ADAMTSL2: variants seen among roughly 807,000 people sequenced by gnomAD.
ADAMTSL2 encodes ADAMTS-like protein 2.
In ADAMTSL2, 55 loss-of-function variants were observed where a neutral mutation model predicts 117.0. The observed-to-expected ratio is 0.47, with a 90% confidence interval of 0.38 to 0.59. The LOEUF (loss-of-function observed/expected upper bound fraction) is 0.59, where lower values mean the gene tolerates loss of function less well. ADAMTSL2 is among the 20% of genes least tolerant of loss of function. The probability of loss-of-function intolerance (pLI) is 0.00; values close to 1 mark genes in which losing one functional copy is unlikely to be tolerated. For missense variants in ADAMTSL2, 1,182 were observed against 1,354.5 expected (o/e 0.87, Z 2.00); for synonymous variants, 572 against 566.4 (o/e 1.01, Z -0.14).
intron 1 of ADAMTSL2, 138 bp downstream of exon 1, chr9:133,535,055 T>A: frequency 7.9e-7 from 1 of 1,272,442 alleles, no homozygotes; most frequent in Non-Finnish European, 9.9e-7. Flanking sequence ...TGGGGAGGGG[T>A]CGGGCCGCAG....
intron 7 of ADAMTSL2, among the ~76,000 whole-genome samples, chr9:133,542,970 C>A (rs569315483): frequency 6.6e-6 from 1 of 150,458 alleles, no homozygotes; most frequent in South Asian, 2.1e-4. Context: ...TTTTTTGAGA[C>A]GGAGTTTTGT....
chr9:133,563,866 A>G (rs1217298991), intron 12 of ADAMTSL2, among the ~76,000 whole-genome samples: 18 of 46,846 alleles, frequency 3.8e-4, no homozygotes, highest in East Asian at 2.3e-3. Context: ...AGAGAGAGGG[A>G]GAGAGAGAGA....
upstream of ADAMTSL2, among the ~76,000 whole-genome samples, chr9:133,533,169 G>C (rs1343322849): frequency 1.3e-5 from 1 of 75,596 alleles, no homozygotes; most frequent in Non-Finnish European, 2.8e-5. Context: ...GTGCCTGTGT[G>C]TGTGTGTGTG....
Position 133,540,594 on chromosome 9 carries a change from C to A in ADAMTSL2, c.413-4C>A. On this transcript the variant is annotated splice_region_variant and splice_polypyrimidine_tract_variant and intron_variant, in intron 5 of 18. Coordinates refer to ENST00000651351, the MANE Select transcript of ADAMTSL2 (RefSeq NM_014694.4). ...AACCTTCTGTCTTTGTCTCCCTCCA[C>A]CAGATGACTATGTCCACATCTCCAG... is the stretch of plus-strand genomic sequence containing the variant. 1 of 1,613,402 alleles carries A rather than the reference C, an allele frequency of 6.2e-7. No homozygotes were observed. Among genetic ancestry groups the A allele is most frequent in the Non-Finnish European group, 8.5e-7 (1 of 1,180,008 alleles).
At chr9:133,535,681 G>C (rs779703519) in intron 1 of ADAMTSL2, among the ~76,000 whole-genome samples, 2 of 152,204 alleles carry the variant, frequency 1.3e-5, no homozygotes, top group Admixed American at 6.5e-5. Context: ...GTGGCTTTGA[G>C]CAGGTTGGCT....
intron 4 of ADAMTSL2, 108 bp from the exon 5 acceptor site, chr9:133,539,663 C>CGGCTGTCCT (rs1830155439): frequency 1.8e-5 from 20 of 1,112,734 alleles, no homozygotes; most frequent in Middle Eastern, 2.1e-4. Flanking sequence ...ACGGCTGTCC[C>CGGCTGTCCT]GGCTGTCCCG....
chr9:133,533,162 C>CGTGT (rs1829975774), upstream of ADAMTSL2, among the ~76,000 whole-genome samples: 6 of 98,300 alleles, frequency 6.1e-5, no homozygotes, highest in Admixed American at 2.9e-4. Flanking sequence ...TGTGTGTGTG[C>CGTGT]CTGTGTGTGT....
Position 133,534,771 on chromosome 9 carries a change from G to T in ADAMTSL2, c.-297G>T. The T allele has an allele frequency of 6.8e-7, 1 of 1,466,008 alleles. No individual in the cohort carries two copies. The highest frequency in any genetic ancestry group is 9.1e-7 in the Non-Finnish European group (1 of 1,102,832). 90.8% of individuals were successfully genotyped at this position (1,466,008 alleles called of 1,614,324 possible). On this transcript the variant is annotated 5_prime_UTR_variant, in exon 1 of 19. Coordinates refer to ENST00000651351, the MANE Select transcript of ADAMTSL2 (RefSeq NM_014694.4). ...CTTTGAAGTGGGAGAGGGAGGCGGC[G>T]CGGGGGAGGAGGGGAAGGGGAGAGG... is the stretch of plus-strand genomic sequence containing the variant.
chr9:133,567,906 C>T (rs1377700107), intron 13 of ADAMTSL2, among the ~76,000 whole-genome samples: 2 of 152,230 alleles, frequency 1.3e-5, no homozygotes, highest in Non-Finnish European at 2.9e-5. Flanking sequence ...GCACGCTGGC[C>T]ATGCCCCCTT....
intron 9 of ADAMTSL2, among the ~76,000 whole-genome samples, chr9:133,549,684 C>T (rs1321466980): frequency 1.3e-5 from 2 of 152,086 alleles, no homozygotes; most frequent in Non-Finnish European, 2.9e-5. Flanking sequence ...CTGCCTTGGC[C>T]TGTCTGCTCT....
intron 17 of ADAMTSL2, among the ~76,000 whole-genome samples, chr9:133,572,812 C>T (rs1430503736): frequency 1.3e-5 from 2 of 152,172 alleles, no homozygotes; most frequent in Non-Finnish European, 1.5e-5. Flanking sequence ...AGCGGCGGCT[C>T]AGTCAGTGTT....
rs193056157 is a variant in ADAMTSL2, at chr9:133,534,891, G to T, written c.-177G>T. 1 of 1,442,900 alleles carries T rather than the reference G, an allele frequency of 6.9e-7. No homozygotes were observed. The highest frequency in any genetic ancestry group is 1.4e-5 in the South Asian group (1 of 71,082). 89.4% of individuals were successfully genotyped at this position (1,442,900 alleles called of 1,614,324 possible). A position where few individuals can be genotyped will look rare whatever the true frequency, so the allele number is the denominator to read the frequency against. ...CCGCAGCGCTCGCCCCTTTCTCTGG[G>T]AGGACAACCTGCTGACCCGAAGCCA... On this transcript the variant is annotated 5_prime_UTR_variant, in exon 1 of 19. The change creates a premature stop within an existing upstream ORF in the 5' untranslated region. Transcript: ENST00000651351.
intron 4 of ADAMTSL2, 113 bp from the exon 5 acceptor site, chr9:133,539,658 T>TGTCCCGGCC: frequency 1.0e-6 from 1 of 994,022 alleles, no homozygotes. Context: ...CCCGCACGGC[T>TGTCCCGGCC]GTCCCGGCTG....
chr9:133,575,167 G>A lies in ADAMTSL2; in HGVS notation c.*303G>A, dbSNP rs1831200925. 2 of 435,454 alleles carry A rather than the reference G, an allele frequency of 4.6e-6. No homozygotes were observed. The highest frequency in any genetic ancestry group is 4.6e-5 in the South Asian group (2 of 43,274). The allele number at this position is 435,454 out of a possible 1,614,324, so 27.0% of individuals were successfully genotyped here. ...CTCCCCAGCCCCCCAGCAGCCCCCA[G>A]CCGAGGGGCCCAGGGCCCACAGCCA... On this transcript the variant is annotated 3_prime_UTR_variant, in exon 19 of 19. Coordinates refer to ENST00000651351, the MANE Select transcript of ADAMTSL2 (RefSeq NM_014694.4).
At position 133,568,329 on chromosome 9, in the gene ADAMTSL2, T is replaced by A; in HGVS notation, c.1931T>A (p.Phe644Tyr). 2 of 1,585,068 alleles carry A rather than the reference T, an allele frequency of 1.3e-6. No homozygotes were observed. The highest frequency in any genetic ancestry group is 1.7e-6 in the Non-Finnish European group (2 of 1,166,512). ...CGCACCTGCGGAGAGGGCTACCAGTTCCGCGTCGTGCGCTGCTGGAAGATG... is the reference window on the plus strand; with the variant it reads ...CGCACCTGCGGAGAGGGCTACCAGTACCGCGTCGTGCGCTGCTGGAAGATG... Reference protein sequence around the residue: ...CSRTCGEGYQFRVVRCWKMLS... With the variant: ...CSRTCGEGYQYRVVRCWKMLS... Residue 644 changes from phenylalanine (F) to tyrosine (Y), a missense_variant, in exon 14 of 19, where the codon TTC becomes TAC. Physicochemically the swap from Phe to Tyr is conservative, Grantham distance 22. Coordinates refer to ENST00000651351, the MANE Select transcript of ADAMTSL2 (RefSeq NM_014694.4).
intron 8 of ADAMTSL2, among the ~76,000 whole-genome samples, chr9:133,545,742 C>T (rs144387125): frequency 1.1e-3 from 165 of 152,210 alleles, no homozygotes; most frequent in African/African-American, 3.5e-3. Context: ...AGGGTGGGCT[C>T]GGAGCACTGG....
At chr9:133,559,065 C>T (rs748969959) in intron 11 of ADAMTSL2, among the ~76,000 whole-genome samples, 1 of 152,086 alleles carries the variant, frequency 6.6e-6, no homozygotes, top group Non-Finnish European at 1.5e-5. Flanking sequence ...GATGGCGGAG[C>T]GTCTCCATGG....
chr9:133,562,960 G>T (rs1357926780), intron 12 of ADAMTSL2, among the ~76,000 whole-genome samples: 1 of 146,054 alleles, frequency 6.8e-6, no homozygotes, highest in East Asian at 2.1e-4. Context: ...CGCTGTGGGC[G>T]GCGTGGTGGG....
intron 9 of ADAMTSL2, among the ~76,000 whole-genome samples, chr9:133,551,875 G>A (rs1465136291): frequency 6.8e-6 from 1 of 146,538 alleles, no homozygotes; most frequent in African/African-American, 2.6e-5. Context: ...TGTTGCCCAG[G>A]CTGGAGTGCA....
Sources: gnomAD v4.1 joint callset for allele counts (sites outside exome capture counted in the v4.1 genomes callset) on GRCh38, gnomAD v4.1.1 for gene constraint, MANE v1.5 for transcripts, NCBI Gene and HGNC (gene_info 2026-07-23, HGNC 2026-07-21) for gene names.